Variants in SGIP1 observed in about 807,000 individuals in gnomAD.
SGIP1 encodes the protein SH3GL interacting endocytic adaptor 1, also known as SH3-containing GRB2-like protein 3-interacting protein 1.
Under a neutral mutation model 107.5 loss-of-function variants are expected in SGIP1, and 38 were observed. That is an observed-to-expected ratio of 0.35 (90% CI 0.27 to 0.46). SGIP1 has a LOEUF of 0.46. Ranked by LOEUF, SGIP1 falls within the 20% of genes least tolerant of loss-of-function variation. SGIP1 has a pLI of 1.00. For synonymous variants in SGIP1, 365 were observed against 366.1 expected, an observed-to-expected ratio of 1.00 and a Z score of 0.03; for missense variants, 929 against 1,019.5, an observed-to-expected ratio of 0.91 and a Z score of 1.21.
chr1:66,670,012 G>C (rs1266015005), intron 9 of SGIP1, among the ~76,000 whole-genome samples: 1 of 152,174 alleles, frequency 6.6e-6, no homozygotes, highest in Non-Finnish European at 1.5e-5. Context: ...GAAAAAATGT[G>C]TTTGGTGGCC....
At chr1:66,609,846 C>T (rs72918443) in intron 1 of SGIP1, among the ~76,000 whole-genome samples, 2 of 152,256 alleles carry the variant, frequency 1.3e-5, no homozygotes, top group South Asian at 4.1e-4. Context: ...GAGAGCACCA[C>T]ACAATTAACT....
chr1:66,547,718 G>A (rs896916522), intron 1 of SGIP1, among the ~76,000 whole-genome samples: 3 of 152,160 alleles, frequency 2.0e-5, no homozygotes, highest in African/African-American at 7.2e-5. Context: ...GTTCAAGTAT[G>A]AGGACACAAG....
intron 1 of SGIP1, among the ~76,000 whole-genome samples, chr1:66,601,347 A>T (rs2065780982): frequency 6.6e-6 from 1 of 152,188 alleles, no homozygotes; most frequent in African/African-American, 2.4e-5. Context: ...CCTGGGCGAC[A>T]CAGAGAGACT....
intron 1 of SGIP1, among the ~76,000 whole-genome samples, chr1:66,579,469 A>G (rs1222638099): frequency 6.6e-6 from 1 of 152,224 alleles, no homozygotes; most frequent in Non-Finnish European, 1.5e-5. Context: ...GGCAGACTTG[A>G]AATGAAAAAT....
At chr1:66,596,962 G>A (rs1020595379) in intron 1 of SGIP1, among the ~76,000 whole-genome samples, 18 of 152,064 alleles carry the variant, frequency 1.2e-4, no homozygotes, top group African/African-American at 3.4e-4. Context: ...TTAAAATTTT[G>A]TAATATTTTT....
At chr1:66,588,228 G>A (rs1343593800) in intron 1 of SGIP1, among the ~76,000 whole-genome samples, 25 of 152,044 alleles carry the variant, frequency 1.6e-4, no homozygotes, top group Admixed American at 1.6e-3. Context: ...TAAAGAAAAT[G>A]GAATAGCTCC....
At chr1:66,592,897 C>CTTTTTTTTTTTTTT (rs35762612) in intron 1 of SGIP1, among the ~76,000 whole-genome samples, 16 of 56,350 alleles carry the variant, frequency 2.8e-4, no homozygotes, top group Non-Finnish European at 3.6e-4. Context: ...TCTTCTTCTT[C>CTTTTTTTTTTTTTT]TTTTTTTTTT....
chr1:66,625,933 T>C, intron 2 of SGIP1, 23 bp downstream of exon 2: 2 of 1,598,780 alleles, frequency 1.3e-6, no homozygotes, highest in Non-Finnish European at 1.7e-6. Flanking sequence ...GGAGTTTGCC[T>C]CCTCGAAGAA....
chr1:66,620,550 C>CAG (rs1207783472), intron 1 of SGIP1, among the ~76,000 whole-genome samples: 5 of 150,840 alleles, frequency 3.3e-5, no homozygotes, highest in Non-Finnish European at 7.4e-5. Flanking sequence ...GACAGAGAGA[C>CAG]AGAGAGAGAG....
intron 7 of SGIP1, among the ~76,000 whole-genome samples, chr1:66,655,316 C>T (rs774220066): frequency 6.6e-6 from 1 of 152,060 alleles, no homozygotes. Flanking sequence ...TGACCTCCCT[C>T]AACAACTTCA....
intron 1 of SGIP1, among the ~76,000 whole-genome samples, chr1:66,614,624 T>A (rs2068759044): frequency 6.6e-6 from 1 of 152,134 alleles, no homozygotes; most frequent in South Asian, 2.1e-4. Context: ...TTTAACTTTT[T>A]AAACCATTTA....
At chr1:66,671,898 G>C in intron 10 of SGIP1, 46 bp from the exon 11 acceptor site, 1 of 1,569,780 alleles carries the variant, frequency 6.4e-7, no homozygotes, top group Non-Finnish European at 8.8e-7. Flanking sequence ...ACATATCAGG[G>C]AATGGTAAAA....
intron 18 of SGIP1, 136 bp from the exon 19 acceptor site, chr1:66,719,158 G>C (rs1572214926): frequency 3.6e-6 from 2 of 561,812 alleles, no homozygotes; most frequent in Non-Finnish European, 6.4e-6. Flanking sequence ...AATATACAGA[G>C]TTACGGTTCT....
At chr1:66,707,870 G>A (rs111968734) in intron 18 of SGIP1, among the ~76,000 whole-genome samples, 39 of 152,128 alleles carry the variant, frequency 2.6e-4, no homozygotes, top group Middle Eastern at 3.4e-3. Flanking sequence ...TCCCCAAGTC[G>A]AATTCTAATA....
chr1:66,593,844 C>A (rs1167765753), intron 1 of SGIP1, among the ~76,000 whole-genome samples: 1 of 152,086 alleles, frequency 6.6e-6, no homozygotes, highest in African/African-American at 2.4e-5. Flanking sequence ...CCAAGTTTTT[C>A]TTTTTAAAAA....
At chr1:66,559,074 T>C (rs895651912) in intron 1 of SGIP1, among the ~76,000 whole-genome samples, 2 of 152,094 alleles carry the variant, frequency 1.3e-5, no homozygotes, top group Admixed American at 1.3e-4. Context: ...AACCCCGTAC[T>C]GCTGGGCCCC....
At chr1:66,555,996 A>G (rs796332295) in intron 1 of SGIP1, among the ~76,000 whole-genome samples, 31 of 152,272 alleles carry the variant, frequency 2.0e-4, no homozygotes, top group African/African-American at 7.2e-4. Flanking sequence ...ATGTGCAATC[A>G]TTAGCATTAT....
chr1:66,713,224 T>C (rs1380810982), intron 18 of SGIP1, among the ~76,000 whole-genome samples: 1 of 152,142 alleles, frequency 6.6e-6, no homozygotes, highest in African/African-American at 2.4e-5. Flanking sequence ...ACTTACCTTA[T>C]AGCACTCATA....
In SGIP1 at chr1:66,750,039, GTGTGTGT is replaced by G. The variant is rs2094604859; in HGVS notation, c.*6945_*6951del. Among the ~76,000 whole-genome samples the G allele has an allele frequency of 1.3e-5, 1 of 79,088 alleles. No individual in the cohort carries two copies. Among genetic ancestry groups the G allele is most frequent in the African/African-American group, 5.7e-5 (1 of 17,698 alleles). The allele number at this position is 79,088 out of a possible 152,430, so 51.9% of individuals were successfully genotyped here. A position where few individuals can be genotyped will look rare whatever the true frequency, so the allele number is the denominator to read the frequency against. On this transcript the variant is annotated 3_prime_UTR_variant, in exon 25 of 25. Coordinates refer to ENST00000371037, the MANE Select transcript of SGIP1 (RefSeq NM_032291.4). ...TCTTTCTCTGTGTGTGTGTGGGGGT[GTGTGTGT>G]GTGTGTGTGTGTGTGTGTGTGTCTC...
Sources: allele counts gnomAD v4.1 joint callset (sites outside exome capture counted in the v4.1 genomes callset), GRCh38; gene constraint gnomAD v4.1.1; transcripts MANE v1.5; gene names NCBI Gene and HGNC (gene_info 2026-07-23, HGNC 2026-07-21).